SVOP: variants seen among roughly 807,000 people sequenced by gnomAD.
The protein encoded by SVOP is synaptic vesicle 2-related protein.
Under a neutral mutation model 69.1 loss-of-function variants are expected in SVOP, and 17 were observed. The observed-to-expected ratio is 0.25, with a 90% CI of 0.17 to 0.37. The LOEUF (loss-of-function observed/expected upper bound fraction) is 0.37. SVOP is among the 10% of genes least tolerant of loss of function. SVOP has a pLI of 1.00. For synonymous variants in SVOP, 238 were observed against 238.6 expected, an observed-to-expected ratio of 1.00 and a Z score of 0.02; for missense variants, 435 against 597.5, an observed-to-expected ratio of 0.73 and a Z score of 2.84.
chr12:108,963,849 A>C (rs918407923), intron 5 of SVOP, among the ~76,000 whole-genome samples: 1 of 152,194 alleles, frequency 6.6e-6, no homozygotes, highest in Non-Finnish European at 1.5e-5. Context: ...TATTTAACAC[A>C]GAAGGCACTG....
chr12:108,988,209 G>C (rs2040177120), intron 1 of SVOP, among the ~76,000 whole-genome samples: 1 of 152,106 alleles, frequency 6.6e-6, no homozygotes, highest in African/African-American at 2.4e-5. Context: ...ACAGGTGTGA[G>C]CCACCACGCC....
At chr12:108,965,901 G>A (rs141481277) in intron 5 of SVOP, among the ~76,000 whole-genome samples, 7,931 of 151,952 alleles carry the variant, frequency 0.052, 289 homozygotes, top group Non-Finnish European at 0.076. Flanking sequence ...TATTCTAAGT[G>A]TATTATACAC....
chr12:108,983,116 C>T (rs896882031), intron 2 of SVOP, among the ~76,000 whole-genome samples: 9 of 150,710 alleles, frequency 6.0e-5, no homozygotes, highest in African/African-American at 1.7e-4. Context: ...TCATCATAAT[C>T]ACCATAATCA....
At chr12:109,013,905 C>T (rs1337312320) in intron 1 of SVOP, among the ~76,000 whole-genome samples, 1 of 152,112 alleles carries the variant, frequency 6.6e-6, no homozygotes, top group African/African-American at 2.4e-5. Flanking sequence ...GATTTGACTG[C>T]TCTAGGCACC....
At position 108,940,793 on chromosome 12, in the gene SVOP, C is replaced by T; in HGVS notation, c.759G>A (p.Val253=). The part of the protein sequence containing the change: ...LSAVPLLLFA[V]LCFWLPESAR... ...CTTAAAGGATACCTACGAAACACAG[C>T]ACGGCAAAGAGGAGGAGCGGGACAG... is the stretch of plus-strand genomic sequence containing the variant. Residue 253 remains valine (V), a synonymous_variant, in exon 8 of 16, where the codon GTG becomes GTA. Transcript: ENST00000610966. The T allele has an allele frequency of 6.5e-7, 1 of 1,537,146 alleles. No individual in the cohort carries two copies. The highest frequency in any genetic ancestry group is 1.2e-5 in the South Asian group (1 of 84,052).
intron 11 of SVOP, among the ~76,000 whole-genome samples, chr12:108,924,299 G>A (rs2039767586): frequency 6.6e-6 from 1 of 152,118 alleles, no homozygotes; most frequent in Non-Finnish European, 1.5e-5. Flanking sequence ...AAGGTATTTT[G>A]TTATAGCAGT....
Position 108,915,828 on chromosome 12 carries a change from G to A in SVOP, c.1395C>T (p.Ser465=), listed in dbSNP as rs770685300. Residue 465 remains serine (S), a synonymous_variant, in exon 15 of 16, where the codon AGC becomes AGT. Coordinates refer to ENST00000610966, the MANE Select transcript of SVOP (RefSeq NM_018711.5). ...ATRALGLGTC[S]GMARVGALIT... ...TGAGAGCACCCACTCTTGCCATGCC[G>A]CTGCAGGTGCCCAGGCCGAGGGCCC... 1.1e-5 allele frequency: 17 copies of A among 1,608,024 alleles called. No individual in the cohort carries two copies. The highest frequency in any genetic ancestry group is 3.3e-5 in the South Asian group (3 of 89,956).
At chr12:108,986,931 G>A (rs1037541960) in intron 1 of SVOP, among the ~76,000 whole-genome samples, 18 of 152,120 alleles carry the variant, frequency 1.2e-4, no homozygotes, top group Admixed American at 2.6e-4. Flanking sequence ...TAGTTGTGCC[G>A]TAAGTCAGGT....
intron 1 of SVOP, among the ~76,000 whole-genome samples, chr12:109,000,179 A>G (rs2040260646): frequency 6.6e-6 from 1 of 152,210 alleles, no homozygotes; most frequent in Non-Finnish European, 1.5e-5. Context: ...AATAGTACAA[A>G]CACCTCTACG....
Position 108,994,419 on chromosome 12 carries a change from G to A in SVOP, c.36-10658C>T, listed in dbSNP as rs532619457. 3.7e-3 allele frequency among the ~76,000 whole-genome samples: 560 copies of A among 152,212 alleles called. 1 individual carries two copies. Among genetic ancestry groups the A allele is most frequent in the Admixed American group, 7.5e-3 (115 of 15,286 alleles). ...TGAGGCAGGAGAATCGCTTGAACCC[G>A]GGAGGCAGAGGTTGCAGTGAGCTGA... On this transcript the variant is annotated intron_variant, in intron 1 of 15. Transcript: ENST00000610966.
chr12:109,018,334 C>T (rs1415642874), intron 1 of SVOP, among the ~76,000 whole-genome samples: 1 of 152,120 alleles, frequency 6.6e-6, no homozygotes, highest in African/African-American at 2.4e-5. Flanking sequence ...CTCAAATGAA[C>T]CACCCCAGAG....
intron 11 of SVOP, among the ~76,000 whole-genome samples, chr12:108,930,512 A>C (rs2039810920): frequency 6.9e-6 from 1 of 145,860 alleles, no homozygotes; most frequent in African/African-American, 2.6e-5. Flanking sequence ...TTCTCGGCTC[A>C]CTGCAGCCTC....
chr12:108,945,597 G>A (rs2039917902), intron 6 of SVOP, among the ~76,000 whole-genome samples: 4 of 151,880 alleles, frequency 2.6e-5, no homozygotes, highest in African/African-American at 7.3e-5. Context: ...ATGTGACCCA[G>A]GCTGGTCTCG....
intron 11 of SVOP, among the ~76,000 whole-genome samples, chr12:108,925,027 T>TA (rs887671093): frequency 6.6e-6 from 1 of 152,010 alleles, no homozygotes. Flanking sequence ...TTTTTTTTTT[T>TA]ACCAATTACA....
Position 108,915,766 on chromosome 12 carries a change from T to A in SVOP, c.1440+17A>T. 1 of 1,592,162 alleles carries A rather than the reference T, an allele frequency of 6.3e-7. No homozygotes were observed. The highest frequency in any genetic ancestry group is 8.5e-7 in the Non-Finnish European group (1 of 1,170,082). On this transcript the variant is annotated intron_variant, in intron 15 of 15. Coordinates refer to ENST00000610966, the MANE Select transcript of SVOP (RefSeq NM_018711.5). The stretch of plus-strand genomic sequence containing the variant: ...TTTGTCACCCCCCATCCCTCTGTAT[T>A]TGGGGGCAGCACCTACCTGGGCGAT...
At chr12:109,006,742 C>T (rs752379089) in intron 1 of SVOP, among the ~76,000 whole-genome samples, 6 of 151,996 alleles carry the variant, frequency 3.9e-5, no homozygotes, top group Admixed American at 6.6e-5. Flanking sequence ...ATAAAGAAGG[C>T]GGCTGGAGAG....
At chr12:108,927,382 A>C (rs963885261) in intron 11 of SVOP, among the ~76,000 whole-genome samples, 10 of 152,108 alleles carry the variant, frequency 6.6e-5, no homozygotes, top group Admixed American at 6.6e-4. Flanking sequence ...GTCATGTATT[A>C]ATTTTATATT....
chr12:109,019,276 C>G (rs1232299028), intron 1 of SVOP, among the ~76,000 whole-genome samples: 1 of 151,780 alleles, frequency 6.6e-6, no homozygotes, highest in Non-Finnish European at 1.5e-5. Flanking sequence ...TAAGTGAAAA[C>G]TTCTTATTTT....
At chr12:108,994,640 G>A (rs1037902857) in intron 1 of SVOP, among the ~76,000 whole-genome samples, 4 of 152,146 alleles carry the variant, frequency 2.6e-5, no homozygotes, top group Admixed American at 2.0e-4. Context: ...ACAGAGGGGC[G>A]GCAAGCTCGC....
Sources: gnomAD v4.1 joint callset for allele counts (sites outside exome capture counted in the v4.1 genomes callset) on GRCh38, gnomAD v4.1.1 for gene constraint, MANE v1.5 for transcripts, NCBI Gene and HGNC (gene_info 2026-07-23, HGNC 2026-07-21) for gene names.